LCLAT1: variants seen among roughly 807,000 people sequenced by gnomAD.
The protein encoded by LCLAT1 is 1-AGP acyltransferase 8.
LCLAT1 carries 11 observed loss-of-function variants against 30.7 expected under a neutral mutation model. The observed-to-expected ratio is 0.36, with a 90% CI of 0.23 to 0.59. The LOEUF (loss-of-function observed/expected upper bound fraction) is 0.59, where lower values mean the gene tolerates loss of function less well. LCLAT1 is among the 20% of genes least tolerant of loss of function. The pLI is 0.77. For synonymous variants in LCLAT1, 155 were observed against 151.3 expected (o/e 1.02, Z -0.18); for missense variants, 402 against 458.6 (o/e 0.88, Z 1.13).
At chr2:30,635,258 A>G (rs536664209) in intron 5 of LCLAT1, among the ~76,000 whole-genome samples, 3 of 150,378 alleles carry the variant, frequency 2.0e-5, no homozygotes, top group East Asian at 3.9e-4. Flanking sequence ...ATATATATAT[A>G]TAAAATAAAA....
At chr2:30,480,985 C>T (rs1683291519) in intron 1 of LCLAT1, among the ~76,000 whole-genome samples, 1 of 152,156 alleles carries the variant, frequency 6.6e-6, no homozygotes, top group South Asian at 2.1e-4. Context: ...TTGAGGGGAA[C>T]TTGCTTTAAG....
intron 3 of LCLAT1, among the ~76,000 whole-genome samples, chr2:30,543,430 T>C (rs1664247472): frequency 6.6e-6 from 1 of 152,160 alleles, no homozygotes; most frequent in African/African-American, 2.4e-5. Context: ...TTTATCTGTT[T>C]GTGACCTCAT....
At chr2:30,448,786 C>G (rs1433997222) in intron 1 of LCLAT1, among the ~76,000 whole-genome samples, 1 of 152,168 alleles carries the variant, frequency 6.6e-6, no homozygotes, top group Non-Finnish European at 1.5e-5. Flanking sequence ...TGGGTGGATT[C>G]TAGTCCAAAC....
At chr2:30,526,352 G>A (rs2363311) in intron 2 of LCLAT1, among the ~76,000 whole-genome samples, 19,155 of 151,624 alleles carry the variant, frequency 0.13, 1,341 homozygotes, top group South Asian at 0.23. Context: ...AATGATTTCT[G>A]TTTATCTGTT....
intron 1 of LCLAT1, among the ~76,000 whole-genome samples, chr2:30,453,827 A>G (rs1039540587): frequency 1.3e-5 from 2 of 152,216 alleles, no homozygotes; most frequent in Non-Finnish European, 2.9e-5. Flanking sequence ...TGCCAGGTGT[A>G]TACTGAGTTC....
chr2:30,448,622 T>C (rs1681387655), intron 1 of LCLAT1, among the ~76,000 whole-genome samples: 2 of 152,214 alleles, frequency 1.3e-5, no homozygotes, highest in Non-Finnish European at 2.9e-5. Context: ...TCTCCTACTT[T>C]TTAATTTGAA....
At chr2:30,474,614 G>C (rs1286038364) in intron 1 of LCLAT1, among the ~76,000 whole-genome samples, 1 of 151,198 alleles carries the variant, frequency 6.6e-6, no homozygotes, top group Non-Finnish European at 1.5e-5. Flanking sequence ...GTTAATGAAT[G>C]AACAGTTTTA....
chr2:30,563,695 A>G (rs530476018), intron 4 of LCLAT1, among the ~76,000 whole-genome samples: 9 of 152,254 alleles, frequency 5.9e-5, no homozygotes, highest in Non-Finnish European at 1.2e-4. Flanking sequence ...TTAAGAGAGG[A>G]GAACAGGTAA....
chr2:30,466,085 T>G (rs1353916619), intron 1 of LCLAT1, among the ~76,000 whole-genome samples: 6 of 152,128 alleles, frequency 3.9e-5, no homozygotes, highest in African/African-American at 1.4e-4. Context: ...TTTTTCTTGC[T>G]TTATTAAAAA....
At chr2:30,471,992 A>G (rs1379211122) in intron 1 of LCLAT1, among the ~76,000 whole-genome samples, 1 of 152,188 alleles carries the variant, frequency 6.6e-6, no homozygotes, top group East Asian at 1.9e-4. Flanking sequence ...TGAAATATGA[A>G]CATCATTGTC....
At chr2:30,606,315 T>A in intron 5 of LCLAT1, 1 of 289,642 alleles carries the variant, frequency 3.5e-6, no homozygotes, top group African/African-American at 2.4e-5. Flanking sequence ...GCTGGAGGCA[T>A]CACATTACCT....
chr2:30,530,276 G>A (rs1685921587), intron 2 of LCLAT1, among the ~76,000 whole-genome samples: 1 of 152,112 alleles, frequency 6.6e-6, no homozygotes. Flanking sequence ...TTTTTTCCCA[G>A]TCTTTTAGTC....
In LCLAT1 at chr2:30,525,733, C is replaced by T. The variant is rs183623684; in HGVS notation, c.143C>T (p.Ala48Val). 1 of 1,614,094 alleles carries T rather than the reference C, an allele frequency of 6.2e-7. No individual in the cohort carries two copies. The highest frequency in any genetic ancestry group is 1.3e-5 in the African/African-American group (1 of 74,994). Residue 48 changes from alanine to valine, a missense_variant, in exon 2 of 6, where the codon GCA becomes GTA. Transcript: ENST00000379509. ...CGCTGGATCAACAACCGCCTTGTGGCAACATGGCTCACCCTACCTGTGGTA... is the reference window on the plus strand; with the variant it reads ...CGCTGGATCAACAACCGCCTTGTGGTAACATGGCTCACCCTACCTGTGGTA... ...WYRWINNRLV[A>V]TWLTLPVALL...
At chr2:30,494,572 ATGCATACG>A (rs2148332101) in intron 1 of LCLAT1, among the ~76,000 whole-genome samples, 1 of 151,328 alleles carries the variant, frequency 6.6e-6, no homozygotes, top group Non-Finnish European at 1.5e-5. Context: ...GCATACACAC[ATGCATACG>A]TGCATACATG....
At chr2:30,500,968 A>G (rs1289096955) in intron 1 of LCLAT1, among the ~76,000 whole-genome samples, 2 of 152,074 alleles carry the variant, frequency 1.3e-5, no homozygotes, top group African/African-American at 4.8e-5. Flanking sequence ...GGACAATGAG[A>G]CACCAGCCCC....
In LCLAT1 at chr2:30,533,411, T is replaced by C. The variant is rs556008111; in HGVS notation, c.364+97T>C. 3.2e-5 allele frequency: 33 copies of C among 1,028,740 alleles called. No homozygotes were observed. In the East Asian group the frequency reaches 7.4e-4, roughly 23 times the overall value. The allele number at this position is 1,028,740 out of a possible 1,614,324, so 63.7% of individuals were successfully genotyped here. On this transcript the variant is annotated intron_variant, in intron 3 of 5. Transcript: ENST00000379509. ...TAAGCATTAAAGCGATTCCATTTTT[T>C]TCCTCACTGGGCCAAAAACAATCTC... is the stretch of plus-strand genomic sequence containing the variant.
intron 3 of LCLAT1, among the ~76,000 whole-genome samples, chr2:30,537,241 C>T (rs1444053943): frequency 2.6e-5 from 4 of 151,946 alleles, no homozygotes; most frequent in East Asian, 1.9e-4. Context: ...ATTAGCCGGG[C>T]GCGGTGGCGG....
intron 5 of LCLAT1, among the ~76,000 whole-genome samples, chr2:30,574,389 A>C (rs562580989): frequency 3.3e-5 from 5 of 152,154 alleles, no homozygotes; most frequent in Non-Finnish European, 7.3e-5. Flanking sequence ...TGATTAGAAG[A>C]AGCATTTTTG....
intron 1 of LCLAT1, among the ~76,000 whole-genome samples, chr2:30,510,133 A>G (rs1684868812): frequency 6.6e-6 from 1 of 152,176 alleles, no homozygotes; most frequent in South Asian, 2.1e-4. Context: ...TCTAATGTAT[A>G]GTTGTCACCC....
Sources: allele counts gnomAD v4.1 joint callset (sites outside exome capture counted in the v4.1 genomes callset), GRCh38; gene constraint gnomAD v4.1.1; transcripts MANE v1.5; gene names NCBI Gene and HGNC (gene_info 2026-07-23, HGNC 2026-07-21).